The following COL17A1 variants were observed in gnomAD, a reference collection of about 807,000 sequenced individuals.
COL17A1 encodes collagen type XVII alpha 1 chain.
Under a neutral mutation model 218.4 loss-of-function variants are expected in COL17A1, and 181 were observed. That is an observed-to-expected ratio of 0.83 (90% CI 0.73 to 0.94). The LOEUF (loss-of-function observed/expected upper bound fraction) is 0.94. Ranked by LOEUF, COL17A1 falls within the 40% of genes least tolerant of loss-of-function variation. COL17A1 has a pLI of 0.00. For synonymous variants in COL17A1, 721 were observed against 731.0 expected, an observed-to-expected ratio of 0.99 and a Z score of 0.22; for missense variants, 1,924 against 1,945.9, an observed-to-expected ratio of 0.99 and a Z score of 0.21.
intron 2 of COL17A1, among the ~76,000 whole-genome samples, chr10:104,078,987 T>C (rs2086736155): frequency 6.6e-6 from 1 of 152,212 alleles, no homozygotes; most frequent in African/African-American, 2.4e-5. Flanking sequence ...TCAGTTCAGC[T>C]GAGACCAACA....
chr10:104,043,957 C>T (rs2086385854), intron 33 of COL17A1, 97 bp from the exon 34 acceptor site: 1 of 1,327,538 alleles, frequency 7.5e-7, no homozygotes, highest in African/African-American at 1.4e-5. Flanking sequence ...TTGGGACCCA[C>T]TTCTGGGCCT....
intron 51 of COL17A1, 121 bp from the exon 52 acceptor site, chr10:104,034,455 T>C: frequency 6.8e-7 from 1 of 1,466,340 alleles, no homozygotes; most frequent in Non-Finnish European, 9.2e-7. Flanking sequence ...AACTTCAGGG[T>C]TCTTGTACCC....
chr10:104,046,385 G>T (rs532300171), intron 32 of COL17A1, among the ~76,000 whole-genome samples: 6 of 152,296 alleles, frequency 3.9e-5, no homozygotes, highest in Non-Finnish European at 8.8e-5. Context: ...AAGGATGAGC[G>T]CCCATGCCCT....
intron 1 of COL17A1, among the ~76,000 whole-genome samples, chr10:104,082,991 T>C (rs538336568): frequency 4.1e-4 from 62 of 152,370 alleles, no homozygotes; most frequent in Admixed American, 9.8e-4. Context: ...TACAGGTAGA[T>C]GCCTCTCTCT....
intron 15 of COL17A1, 84 bp downstream of exon 15, chr10:104,059,554 T>C: frequency 7.7e-7 from 1 of 1,301,264 alleles, no homozygotes; most frequent in South Asian, 1.2e-5. Flanking sequence ...GGACCACACT[T>C]TGAGTAGCAA....
At chr10:104,059,235 T>A (rs2134625692) in intron 15 of COL17A1, 2 of 291,972 alleles carry the variant, frequency 6.8e-6, no homozygotes, top group Middle Eastern at 2.5e-3. Flanking sequence ...GAGAGATTCC[T>A]ATAGGGCATC....
chr10:104,036,568 T>C lies in COL17A1; in HGVS notation c.3342A>G (p.Pro1114=). The C allele has an allele frequency of 6.2e-7, 1 of 1,614,014 alleles. No individual in the cohort carries two copies. Among genetic ancestry groups the C allele is most frequent in the Admixed American group, 1.7e-5 (1 of 60,002 alleles). The change falls in exon 48 of 56, where the codon CCA becomes CCG. Residue 1114 remains proline, a synonymous_variant. Transcript: ENST00000648076. ...GGAGGGACCCATCTCCACTGGCTCC[T>C]GGTGGCCCTGGCGGACCCCGAGGGC... ...LMGPRGPPGP[P]GASGDGSLLS... is the part of the protein sequence containing the mutation.
chr10:104,046,959 G>A (rs981993126), intron 31 of COL17A1, among the ~76,000 whole-genome samples, 186 bp from the exon 32 acceptor site: 2 of 152,172 alleles, frequency 1.3e-5, no homozygotes, highest in Admixed American at 6.5e-5. Context: ...GCAGTTCTTC[G>A]GGCTTTGCAG....
At chr10:104,051,007 C>T in intron 25 of COL17A1, 106 bp from the exon 26 acceptor site, 16 of 1,563,494 alleles carry the variant, frequency 1.0e-5, no homozygotes, top group Non-Finnish European at 1.3e-5. Flanking sequence ...TATGCACACA[C>T]CCTATAGTAA....
intron 35 of COL17A1, 116 bp downstream of exon 35, chr10:104,043,385 T>A: frequency 3.1e-6 from 3 of 963,270 alleles, no homozygotes; most frequent in Non-Finnish European, 4.9e-6. Flanking sequence ...AAACTCCTTA[T>A]TCTCTTTACC....
At chr10:104,079,707 C>A (rs2086746933) in intron 2 of COL17A1, among the ~76,000 whole-genome samples, 1 of 152,162 alleles carries the variant, frequency 6.6e-6, no homozygotes. Flanking sequence ...GCGGGCAGAT[C>A]ACGAGGTCAG....
chr10:104,041,133 C>T lies in COL17A1; in HGVS notation c.2648-15G>A. The T allele has an allele frequency of 3.1e-6, 5 of 1,607,534 alleles. No individual in the cohort carries two copies. The East Asian group carries it at 1.1e-4, about 36-fold the overall frequency. On this transcript the variant is annotated splice_polypyrimidine_tract_variant and intron_variant, in intron 38 of 55. Transcript: ENST00000648076. ...CAAACCCTCCCCTAGGAAAGAGAAC[C>T]CCCAAGACTTATTAGTGCCAAGAGG...
In COL17A1 at chr10:104,041,490, G is replaced by A. The variant is rs915153572; in HGVS notation, c.2600C>T (p.Pro867Leu). The change falls in exon 37 of 56, where the codon CCA becomes CTA. Residue 867 changes from proline (P) to leucine (L), a missense_variant. Coordinates refer to ENST00000648076, the MANE Select transcript of COL17A1 (RefSeq NM_000494.4). ...GPPGPPGPRG[P>L]PGPSIPGPPG... ...AAGGTCTCCAAGATACTCACCTGGT[G>A]GCCCGCGTGGGCCGGGTGGGCCTGG... 2 of 1,613,432 alleles carry A rather than the reference G, an allele frequency of 1.2e-6. No individual in the cohort carries two copies. Among genetic ancestry groups the A allele is most frequent in the Non-Finnish European group, 1.7e-6 (2 of 1,179,456 alleles).
intron 33 of COL17A1, among the ~76,000 whole-genome samples, chr10:104,044,794 A>T (rs1251687165): frequency 6.6e-6 from 1 of 152,132 alleles, no homozygotes; most frequent in East Asian, 1.9e-4. Flanking sequence ...GGTTTCTGTT[A>T]TTCTTGGGAA....
Position 104,058,152 on chromosome 10 carries a change from T to C in COL17A1, c.1261A>G (p.Thr421Ala). Reference sequence around the variant, plus strand: ...GTTCGCGGTTCTCACCCACCTGCAGTGGTGGTCTTGCCCTTTGTGGACACA... The same window carrying C: ...GTTCGCGGTTCTCACCCACCTGCAGCGGTGGTCTTGCCCTTTGTGGACACA... ...KTVSTKGKTT[T>A]ADIHSYGSSG... Residue 421 changes from threonine (T) to alanine (A), a missense_variant, in exon 16 of 56, where the codon ACT becomes GCT. Transcript: ENST00000648076. 3 of 1,614,186 alleles carry C rather than the reference T, an allele frequency of 1.9e-6. No individual in the cohort carries two copies. Among genetic ancestry groups the C allele is most frequent in the Non-Finnish European group, 2.5e-6 (3 of 1,180,036 alleles).
In COL17A1 at chr10:104,048,069, C is replaced by T. The variant is rs768614230; in HGVS notation, c.2263G>A (p.Gly755Ser). ...TGGGGGCAGCAGATGAGTGACCAAC[C>T]TCTTGGGCCTTGGTGTCCGTCTGGG... ...AGPDGHQGPR[G>S]EQGLTGMPGI... The change falls in exon 30 of 56, where the codon GGT (glycine) becomes AGT (serine). Residue 755 changes from glycine (G) to serine (S), a missense_variant and splice_region_variant. Transcript: ENST00000648076. 2 of 1,614,168 alleles carry T rather than the reference C, an allele frequency of 1.2e-6. No individual in the cohort carries two copies. Among genetic ancestry groups the T allele is most frequent in the East Asian group, 2.2e-5 (1 of 44,876 alleles).
At chr10:104,073,345 T>C in intron 6 of COL17A1, 100 bp from the exon 7 acceptor site, 2 of 1,023,676 alleles carry the variant, frequency 2.0e-6, no homozygotes, top group East Asian at 4.8e-5. Context: ...GTTACTTTCA[T>C]AGTGTGTCTA....
Position 104,064,709 on chromosome 10 carries a change from A to T in COL17A1, c.608-113T>A, listed in dbSNP as rs572542441. The T allele has an allele frequency of 3.0e-6, 3 of 995,730 alleles. No homozygotes were observed. The East Asian group carries it at 7.8e-5, about 26-fold the overall frequency. 61.7% of individuals were successfully genotyped at this position (995,730 alleles called of 1,614,324 possible). On this transcript the variant is annotated intron_variant, in intron 9 of 55. Transcript: ENST00000648076. Reference sequence around the variant, plus strand: ...TCCTGGTTTGGGCATTGAAAGCCCCACATTTCAGGAACTTTCTCAGTCCAG... The same window carrying T: ...TCCTGGTTTGGGCATTGAAAGCCCCTCATTTCAGGAACTTTCTCAGTCCAG...
At chr10:104,064,905 C>T (rs2086614204) in intron 9 of COL17A1, among the ~76,000 whole-genome samples, 1 of 152,178 alleles carries the variant, frequency 6.6e-6, no homozygotes, top group Non-Finnish European at 1.5e-5. Context: ...GCTGTCCCAC[C>T]AATGGCATTC....
Sources: gnomAD v4.1 joint callset for allele counts (sites outside exome capture counted in the v4.1 genomes callset) on GRCh38, gnomAD v4.1.1 for gene constraint, MANE v1.5 for transcripts, NCBI Gene and HGNC (gene_info 2026-07-23, HGNC 2026-07-21) for gene names.